RAPGEF2: variants seen among roughly 807,000 people sequenced by gnomAD.
RAPGEF2 encodes the protein Rap guanine nucleotide exchange factor 2, also known as PDZ domain containing guanine nucleotide exchange factor (GEF) 1.
A neutral mutation model predicts 186.7 loss-of-function variants in RAPGEF2; 54 were observed. That is an observed-to-expected ratio of 0.29 (90% CI 0.23 to 0.36). The LOEUF is 0.36. Among genes scored for constraint, RAPGEF2 ranks in the 10% least tolerant of loss-of-function variants. The probability of loss-of-function intolerance (pLI) is 1.00; values close to 1 mark genes in which losing one functional copy is unlikely to be tolerated. For synonymous variants in RAPGEF2, 712 were observed against 705.9 expected (o/e 1.01, Z -0.14); for missense variants, 1,532 against 2,045.0 (o/e 0.75, Z 4.84).
Position 159,146,254 on chromosome 4 carries a change from G to A in RAPGEF2, c.70-40388G>A, listed in dbSNP as rs185654487. On this transcript the variant is annotated intron_variant, in intron 1 of 29. Coordinates refer to ENST00000691494, the MANE Select transcript of RAPGEF2 (RefSeq NM_001394067.2). ...TGGGTTTACAAAAGCAACAAAAAGT[G>A]GAATGTTAGTTGGATGTGTATATTT... Among the ~76,000 whole-genome samples the A allele has an allele frequency of 2.0e-5, 3 of 152,110 alleles. No individual in the cohort carries two copies. The East Asian group carries it at 5.8e-4, about 29-fold the overall frequency.
At chr4:159,132,105 A>G (rs1267639992) in intron 1 of RAPGEF2, among the ~76,000 whole-genome samples, 1 of 152,188 alleles carries the variant, frequency 6.6e-6, no homozygotes, top group African/African-American at 2.4e-5. Flanking sequence ...TTGTTATTGG[A>G]CCACACTATT....
At chr4:159,337,473 G>A (rs1405310783) in intron 17 of RAPGEF2, among the ~76,000 whole-genome samples, 1 of 152,048 alleles carries the variant, frequency 6.6e-6, no homozygotes, top group Non-Finnish European at 1.5e-5. Flanking sequence ...TGAGTTAAAT[G>A]TATTCTTTTT....
At chr4:159,169,677 G>A (rs1026217695) in intron 1 of RAPGEF2, among the ~76,000 whole-genome samples, 4 of 151,282 alleles carry the variant, frequency 2.6e-5, no homozygotes, top group Non-Finnish European at 5.9e-5. Context: ...AAATCACACA[G>A]TATTTGCCTT....
chr4:159,238,318 T>C (rs1270509452), intron 4 of RAPGEF2, among the ~76,000 whole-genome samples: 1 of 152,150 alleles, frequency 6.6e-6, no homozygotes, highest in Non-Finnish European at 1.5e-5. Context: ...CTTAAAACAT[T>C]TAGAATAAGT....
intron 1 of RAPGEF2, among the ~76,000 whole-genome samples, chr4:159,116,974 C>A (rs1256815308): frequency 6.6e-6 from 1 of 152,116 alleles, no homozygotes; most frequent in Non-Finnish European, 1.5e-5. Flanking sequence ...ACCACCATGG[C>A]ACACTGTTAC....
At chr4:159,198,310 CTT>C (rs375073187) in intron 3 of RAPGEF2, among the ~76,000 whole-genome samples, 1,507 of 65,130 alleles carry the variant, frequency 0.023, 71 homozygotes, top group African/African-American at 0.061. Flanking sequence ...TTCTTTCTTT[CTT>C]TCTTTCTTTC....
chr4:159,124,171 G>T (rs908981475), intron 1 of RAPGEF2, among the ~76,000 whole-genome samples: 1 of 151,712 alleles, frequency 6.6e-6, no homozygotes, highest in Non-Finnish European at 1.5e-5. Flanking sequence ...GTTGTTGTTA[G>T]ATGTGCTAAG....
intron 3 of RAPGEF2, among the ~76,000 whole-genome samples, chr4:159,208,820 T>C (rs1457414082): frequency 1.3e-5 from 2 of 152,058 alleles, no homozygotes; most frequent in African/African-American, 4.8e-5. Flanking sequence ...AGAAAAGATA[T>C]TCACAGCTCA....
At chr4:159,226,246 TC>T (rs1341678679) in intron 4 of RAPGEF2, among the ~76,000 whole-genome samples, 2 of 152,182 alleles carry the variant, frequency 1.3e-5, no homozygotes, top group East Asian at 3.8e-4. Context: ...GTATCTTCAA[TC>T]CATCAAATTG....
Position 159,353,442 on chromosome 4 carries a change from T to A in RAPGEF2, c.4092-45T>A. On this transcript the variant is annotated intron_variant, in intron 27 of 29. Transcript: ENST00000691494. This position sits in a 1 kb window ranked among gnomAD's most constrained non-coding sequence, Gnocchi z 4.3. ...GGTTTTATCATAGGTGAATTAGTTA[T>A]CAATCTTGTTTTTTTTTTCTTTTCC... 2 of 1,388,810 alleles carry A rather than the reference T, an allele frequency of 1.4e-6. No homozygotes were observed. Among genetic ancestry groups the A allele is most frequent in the Non-Finnish European group, 1.9e-6 (2 of 1,052,754 alleles). 86.0% of individuals were successfully genotyped at this position (1,388,810 alleles called of 1,614,324 possible).
At chr4:159,244,655 G>T (rs1412600467) in intron 7 of RAPGEF2, among the ~76,000 whole-genome samples, 1 of 151,950 alleles carries the variant, frequency 6.6e-6, no homozygotes, top group African/African-American at 2.4e-5. Context: ...ACAGGGAAAA[G>T]ATCATGAATA....
At chr4:159,330,250 T>G in intron 12 of RAPGEF2, 84 bp from the exon 13 acceptor site, 1 of 883,686 alleles carries the variant, frequency 1.1e-6, no homozygotes. Flanking sequence ...CATATATGTG[T>G]GTGTGTATAT....
rs572721408 is a variant in RAPGEF2 at position 159,199,645 on chromosome 4, G to A, written c.197+6389G>A. 3.3e-5 allele frequency among the ~76,000 whole-genome samples: 5 copies of A among 152,298 alleles called. No homozygotes were observed. In the East Asian group the frequency reaches 9.6e-4, roughly 29 times the overall value. On this transcript the variant is annotated intron_variant, in intron 3 of 29. Transcript: ENST00000691494. ...GTGAATAAAAACCTGTTTAGGGTAA[G>A]GTATAGGAGAAAAATACAGCTTGCT...
At position 159,359,279 on chromosome 4, in the gene RAPGEF2, C is replaced by T. The variant is rs1732468486; in HGVS notation, c.*1140C>T. ...AGACAGCCTCCCTTTATTGAATTGG[C>T]ATTAGGGAATAAACAAGCCTTTAAA... is the stretch of plus-strand genomic sequence containing the variant. On this transcript the variant is annotated 3_prime_UTR_variant, in exon 30 of 30. Coordinates refer to ENST00000691494, the MANE Select transcript of RAPGEF2 (RefSeq NM_001394067.2). The T allele has an allele frequency of 6.6e-6, 1 of 152,012 alleles. No individual in the cohort carries two copies. Among genetic ancestry groups the T allele is most frequent in the South Asian group, 2.1e-4 (1 of 4,820 alleles). 9.4% of individuals were successfully genotyped at this position (152,012 alleles called of 1,614,324 possible). A position where few individuals can be genotyped will look rare whatever the true frequency, so the allele number is the denominator to read the frequency against.
intron 7 of RAPGEF2, among the ~76,000 whole-genome samples, chr4:159,304,041 G>A (rs746398771): frequency 1.3e-5 from 2 of 152,044 alleles, no homozygotes; most frequent in African/African-American, 4.8e-5. Context: ...GCTCATTGAC[G>A]TGTGATTGGA....
intron 9 of RAPGEF2, among the ~76,000 whole-genome samples, chr4:159,317,525 C>T (rs1337529534): frequency 2.0e-5 from 3 of 152,132 alleles, no homozygotes; most frequent in Non-Finnish European, 4.4e-5. Flanking sequence ...TTCTGTTTCA[C>T]CCCCTGAAGA....
At chr4:159,166,781 C>T (rs963689950) in intron 1 of RAPGEF2, among the ~76,000 whole-genome samples, 3 of 152,054 alleles carry the variant, frequency 2.0e-5, no homozygotes, top group African/African-American at 7.2e-5. Context: ...ATTTGTGATA[C>T]ATGAGTAAAT....
rs1444587451 is a variant in RAPGEF2 at position 159,352,831 on chromosome 4, G to A, written c.4012G>A (p.Val1338Ile). The A allele has an allele frequency of 1.9e-6, 3 of 1,614,218 alleles. No individual in the cohort carries two copies. The highest frequency in any genetic ancestry group is 2.5e-6 in the Non-Finnish European group (3 of 1,180,036). The part of the protein sequence containing the change: ...LHDERRQRHS[V>I]SIVETNLGMG... ...CGATGAGAGGCGCCAGAGGCATTCTGTCAGCATCGTGGAAACAAACCTAGG... is the reference window on the plus strand; with the variant it reads ...CGATGAGAGGCGCCAGAGGCATTCTATCAGCATCGTGGAAACAAACCTAGG... The change falls in exon 27 of 30, where the codon GTC becomes ATC. Residue 1338 changes from valine to isoleucine, a missense_variant. By Grantham distance (29) the Val-to-Ile change is conservative. This residue lies in a region of RAPGEF2 where 594 missense variants were observed against 608.5 expected (regional missense o/e 0.98). Transcript: ENST00000691494.
chr4:159,221,633 C>CTT (rs1751548857), intron 4 of RAPGEF2, among the ~76,000 whole-genome samples: 1 of 152,208 alleles, frequency 6.6e-6, no homozygotes, highest in Non-Finnish European at 1.5e-5. Flanking sequence ...GTCTCTGTTA[C>CTT]ACCTGCTGTT....
Sources: allele counts gnomAD v4.1 joint callset (sites outside exome capture counted in the v4.1 genomes callset), GRCh38; gene constraint gnomAD v4.1.1; regional missense constraint gnomAD v4.1.1; non-coding constraint Gnocchi (gnomAD v3.1); transcripts MANE v1.5; gene names NCBI Gene and HGNC (gene_info 2026-07-23, HGNC 2026-07-21).